Variants in LRP1B observed in about 807,000 individuals in gnomAD.
LRP1B encodes the protein low-density lipoprotein receptor-related protein 1B.
Under a neutral mutation model 556.6 loss-of-function variants are expected in LRP1B, and 217 were observed. That is an observed-to-expected ratio of 0.39 (90% CI 0.35 to 0.44). LRP1B has a LOEUF of 0.44. Ranked by LOEUF, LRP1B falls within the 20% of genes least tolerant of loss-of-function variation. The pLI, the probability that LRP1B is intolerant of heterozygous loss-of-function variation, is 1.00. For synonymous variants in LRP1B, 2,047 were observed against 1,865.8 expected (o/e 1.10, Z -2.50); for missense variants, 5,053 against 5,620.8 (o/e 0.90, Z 3.23).
At chr2:141,231,741 G>T (rs1305531086) in intron 5 of LRP1B, among the ~76,000 whole-genome samples, 3 of 151,852 alleles carry the variant, frequency 2.0e-5, no homozygotes, top group Non-Finnish European at 4.4e-5. Flanking sequence ...AAATGTATCT[G>T]CCATAAACCT....
intron 2 of LRP1B, among the ~76,000 whole-genome samples, chr2:141,769,154 T>C (rs1694821164): frequency 6.6e-6 from 1 of 152,142 alleles, no homozygotes; most frequent in Non-Finnish European, 1.5e-5. Context: ...ATCCATTTTG[T>C]TTCTGCTGGG....
intron 41 of LRP1B, among the ~76,000 whole-genome samples, chr2:140,690,957 T>G (rs1686214471): frequency 6.6e-6 from 1 of 152,154 alleles, no homozygotes; most frequent in Admixed American, 6.5e-5. Flanking sequence ...TTATGAAAAC[T>G]GAAACTTGAA....
intron 10 of LRP1B, among the ~76,000 whole-genome samples, chr2:141,050,178 T>C (rs1451419452): frequency 6.6e-6 from 1 of 151,768 alleles, no homozygotes; most frequent in African/African-American, 2.4e-5. Context: ...AGTAAAATAA[T>C]ATATTATTAA....
intron 5 of LRP1B, among the ~76,000 whole-genome samples, chr2:141,240,247 G>C (rs1573698569): frequency 6.6e-6 from 1 of 152,058 alleles, no homozygotes; most frequent in East Asian, 1.9e-4. Flanking sequence ...CCAGGGGAAG[G>C]AGTGCCCAAA....
intron 66 of LRP1B, among the ~76,000 whole-genome samples, chr2:140,434,529 T>C (rs1686091019): frequency 1.3e-5 from 2 of 152,212 alleles, no homozygotes; most frequent in South Asian, 4.1e-4. Context: ...CAGTAACTTA[T>C]TCTCACATCA....
intron 23 of LRP1B, among the ~76,000 whole-genome samples, chr2:140,893,332 G>A (rs1573851679): frequency 6.6e-6 from 1 of 152,346 alleles, no homozygotes; most frequent in East Asian, 1.9e-4. Context: ...CAACTTTTAT[G>A]AAAGTGGATG....
At chr2:140,978,403 C>G (rs1696668874) in intron 18 of LRP1B, among the ~76,000 whole-genome samples, 1 of 152,030 alleles carries the variant, frequency 6.6e-6, no homozygotes, top group Non-Finnish European at 1.5e-5. Flanking sequence ...AGAGATTGTT[C>G]ATGAAGCTGA....
At chr2:141,013,980 A>T (rs957364810) in intron 13 of LRP1B, among the ~76,000 whole-genome samples, 12 of 152,172 alleles carry the variant, frequency 7.9e-5, no homozygotes, top group Admixed American at 3.3e-4. Context: ...TTATTATTAA[A>T]CCATCTATTT....
rs1224281304 is a variant in LRP1B at position 141,055,181 on chromosome 2, T to C, written c.1487A>G (p.Tyr496Cys). The change falls in exon 10 of 91, where the codon TAC (tyrosine) becomes TGC (cysteine). Residue 496 changes from tyrosine (Y) to cysteine (C), a missense_variant. Around this residue, in one of 5 missense-constraint regions of LRP1B, gnomAD observed 3,619 missense variants for 3,931.9 expected, o/e 0.92. Coordinates refer to ENST00000389484, the MANE Select transcript of LRP1B (RefSeq NM_018557.3). Reference sequence around the variant, plus strand: ...CCTGCAGCGACAAGTCCGAGTTTTGTAACTGCTGCTGAGTAGACAGATGTG... The same window carrying C: ...CCTGCAGCGACAAGTCCGAGTTTTGCAACTGCTGCTGAGTAGACAGATGTG... ...CSHICLLSSS[Y>C]KTRTCRCRTG... 3.7e-6 allele frequency: 6 copies of C among 1,612,508 alleles called. No homozygotes were observed. Among genetic ancestry groups the C allele is most frequent in the Non-Finnish European group, 5.1e-6 (6 of 1,179,114 alleles).
At chr2:141,223,550 A>C (rs1324196034) in intron 6 of LRP1B, among the ~76,000 whole-genome samples, 1 of 152,336 alleles carries the variant, frequency 6.6e-6, no homozygotes, top group South Asian at 2.1e-4. Context: ...TTCATATGAC[A>C]TCAAAAAAGA....
chr2:141,180,347 T>TA (rs3063854), intron 7 of LRP1B, among the ~76,000 whole-genome samples: 10,804 of 147,024 alleles, frequency 0.073, 1,178 homozygotes, highest in African/African-American at 0.24. Flanking sequence ...TAGAACTCCA[T>TA]AAAAAAAAAA....
chr2:140,820,322 A>G (rs1691283569), intron 31 of LRP1B, among the ~76,000 whole-genome samples: 1 of 152,190 alleles, frequency 6.6e-6, no homozygotes, highest in Non-Finnish European at 1.5e-5. Flanking sequence ...CAACTAGTTG[A>G]GTATACTGCC....
In LRP1B at chr2:141,848,566, A is replaced by G. The variant is rs538062265; in HGVS notation, c.83-38165T>C. On this transcript the variant is annotated intron_variant, in intron 1 of 90. Transcript: ENST00000389484. The stretch of plus-strand genomic sequence containing the variant: ...TGCAGCCAAAACTATACATCTTAAA[A>G]ATAAAATACAGAATGAAAAATATAA... Among the ~76,000 whole-genome samples the G allele has an allele frequency of 2.0e-5, 3 of 151,694 alleles. No individual in the cohort carries two copies. In the Admixed American group the frequency reaches 2.0e-4, roughly 10 times the overall value.
intron 3 of LRP1B, among the ~76,000 whole-genome samples, chr2:141,478,784 A>T (rs1682809675): frequency 6.6e-6 from 1 of 152,054 alleles, no homozygotes; most frequent in South Asian, 2.1e-4. Context: ...ACGTCAGGTG[A>T]TCTGCCTGCT....
chr2:141,617,577 C>G (rs915394947), intron 2 of LRP1B, among the ~76,000 whole-genome samples: 4 of 152,076 alleles, frequency 2.6e-5, no homozygotes, highest in African/African-American at 9.7e-5. Flanking sequence ...TTTTCTTAGT[C>G]TTTTCTCATA....
At chr2:141,971,910 A>T (rs1267679606) in intron 1 of LRP1B, among the ~76,000 whole-genome samples, 4 of 151,514 alleles carry the variant, frequency 2.6e-5, no homozygotes, top group Admixed American at 6.6e-5. Context: ...TCACCCCTTT[A>T]TACCTAATCT....
At chr2:140,902,610 A>C (rs1377404676) in intron 23 of LRP1B, among the ~76,000 whole-genome samples, 1 of 152,184 alleles carries the variant, frequency 6.6e-6, no homozygotes, top group East Asian at 1.9e-4. Context: ...CCCCCTAAAA[A>C]AGCATACACA....
At chr2:140,579,818 G>A (rs1681689130) in intron 43 of LRP1B, among the ~76,000 whole-genome samples, 1 of 152,016 alleles carries the variant, frequency 6.6e-6, no homozygotes, top group Non-Finnish European at 1.5e-5. Flanking sequence ...CTCCAGCCTG[G>A]GCTACAGAGT....
chr2:140,531,501 T>C (rs1690690536), intron 47 of LRP1B, among the ~76,000 whole-genome samples: 1 of 152,170 alleles, frequency 6.6e-6, no homozygotes, highest in African/African-American at 2.4e-5. Context: ...ATGCAAGTGT[T>C]TCCCCAAAGT....
Sources: gnomAD v4.1 joint callset for allele counts (sites outside exome capture counted in the v4.1 genomes callset) on GRCh38, gnomAD v4.1.1 for gene constraint, gnomAD v4.1.1 regional missense constraint, MANE v1.5 for transcripts, NCBI Gene and HGNC (gene_info 2026-07-23, HGNC 2026-07-21) for gene names.